ATRNL1: variants seen among roughly 807,000 people sequenced by gnomAD.
ATRNL1 encodes attractin like 1, also known as attractin-like protein 1.
A neutral mutation model predicts 182.7 loss-of-function variants in ATRNL1; 95 were observed. That is an observed-to-expected ratio of 0.52 (90% CI 0.44 to 0.62). The LOEUF (loss-of-function observed/expected upper bound fraction) is 0.62, where lower values mean the gene tolerates loss of function less well. Among genes scored for constraint, ATRNL1 ranks in the 20% least tolerant of loss-of-function variants. The pLI, the probability that ATRNL1 is intolerant of heterozygous loss-of-function variation, is 0.00. For missense variants in ATRNL1, 1,471 were observed against 1,679.5 expected, an observed-to-expected ratio of 0.88 and a Z score of 2.17; for synonymous variants, 576 against 568.3, an observed-to-expected ratio of 1.01 and a Z score of -0.19.
At chr10:115,793,375 G>A (rs1384019066) in intron 27 of ATRNL1, among the ~76,000 whole-genome samples, 1 of 152,024 alleles carries the variant, frequency 6.6e-6, no homozygotes, top group South Asian at 2.1e-4. Flanking sequence ...ATCTGGCAAA[G>A]GTTGTAAGTT....
intron 26 of ATRNL1, among the ~76,000 whole-genome samples, chr10:115,691,511 C>T (rs1565290230): frequency 6.6e-6 from 1 of 152,152 alleles, no homozygotes; most frequent in Non-Finnish European, 1.5e-5. Flanking sequence ...CACCTGAGTT[C>T]AGGAATTGGA....
chr10:115,682,572 A>G (rs1946082566), intron 26 of ATRNL1, among the ~76,000 whole-genome samples: 1 of 152,040 alleles, frequency 6.6e-6, no homozygotes, highest in Non-Finnish European at 1.5e-5. Flanking sequence ...AAAAAGGAAT[A>G]TGTACTTGAT....
At chr10:115,104,567 T>C (rs907527196) in intron 1 of ATRNL1, among the ~76,000 whole-genome samples, 1 of 152,172 alleles carries the variant, frequency 6.6e-6, no homozygotes, top group African/African-American at 2.4e-5. Flanking sequence ...CATTTATCCA[T>C]TTTTGCTTTG....
chr10:115,515,836 C>T (rs1051436933), intron 24 of ATRNL1, among the ~76,000 whole-genome samples: 14 of 151,992 alleles, frequency 9.2e-5, no homozygotes, highest in African/African-American at 3.1e-4. Context: ...TTTTCATCCT[C>T]GTCTTAACCA....
chr10:115,266,341 T>G, intron 11 of ATRNL1, among the ~76,000 whole-genome samples: 1 of 151,782 alleles, frequency 6.6e-6, no homozygotes, highest in Middle Eastern at 3.2e-3. Flanking sequence ...CAAAATTCTG[T>G]GTCTATATTG....
chr10:115,471,946 G>C (rs531323007), intron 24 of ATRNL1, among the ~76,000 whole-genome samples: 1 of 150,658 alleles, frequency 6.6e-6, no homozygotes, highest in African/African-American at 2.4e-5. Flanking sequence ...AAGGAGCTTA[G>C]TCCCTTTATT....
chr10:115,093,800 C>G lies in ATRNL1; in HGVS notation c.50C>G (p.Pro17Arg), dbSNP rs1554862281. Residue 17 changes from proline (P) to arginine (R), a missense_variant, in exon 1 of 29, where the codon CCG becomes CGG. This residue lies in a region of ATRNL1 where 1,031 missense variants were observed against 1,156.0 expected (regional missense o/e 0.89). Coordinates refer to ENST00000355044, the MANE Select transcript of ATRNL1 (RefSeq NM_207303.4). This position sits in a 1 kb window ranked among gnomAD's most constrained non-coding sequence, Gnocchi z 6.1. ...ARTGTPQPAA[P>R]GVWRARPAGG... The stretch of plus-strand genomic sequence containing the variant: ...ACTGGTACCCCGCAGCCAGCGGCCC[C>G]GGGGGTGTGGAGGGCTCGGCCGGCG... 6 of 1,468,884 alleles carry G rather than the reference C, an allele frequency of 4.1e-6. No individual in the cohort carries two copies. In the South Asian group the frequency reaches 8.2e-5, roughly 20 times the overall value. The allele number at this position is 1,468,884 out of a possible 1,614,324, so 91.0% of individuals were successfully genotyped here. A position where few individuals can be genotyped will look rare whatever the true frequency, so the allele number is the denominator to read the frequency against.
At chr10:115,139,218 T>C (rs781951593) in intron 5 of ATRNL1, among the ~76,000 whole-genome samples, 68 of 152,218 alleles carry the variant, frequency 4.5e-4, no homozygotes, top group Non-Finnish European at 7.6e-4. Flanking sequence ...TCCCACATTT[T>C]TCTATCTTCT....
chr10:115,171,736 G>A (rs1317294592), intron 8 of ATRNL1, among the ~76,000 whole-genome samples: 1 of 151,920 alleles, frequency 6.6e-6, no homozygotes, highest in African/African-American at 2.4e-5. Context: ...AGCTTCTCAA[G>A]GATAGTCTGC....
chr10:115,597,614 C>T (rs1555014459), intron 26 of ATRNL1: 1 of 413,118 alleles, frequency 2.4e-6, no homozygotes, highest in Non-Finnish European at 4.7e-6. Flanking sequence ...CTCTTGTCAC[C>T]CAGGCTGGCG....
chr10:115,726,021 A>G (rs1555059971), intron 26 of ATRNL1, among the ~76,000 whole-genome samples: 3 of 152,132 alleles, frequency 2.0e-5, no homozygotes, highest in African/African-American at 7.2e-5. Context: ...TTTCTATCCC[A>G]TATTGTCATG....
chr10:115,154,474 A>T (rs1255165725), intron 5 of ATRNL1, among the ~76,000 whole-genome samples: 1 of 151,766 alleles, frequency 6.6e-6, no homozygotes, highest in Non-Finnish European at 1.5e-5. Flanking sequence ...ATGGTAAAGG[A>T]TACCATTCTT....
intron 21 of ATRNL1, among the ~76,000 whole-genome samples, chr10:115,431,701 G>T (rs186596099): frequency 4.6e-4 from 70 of 151,920 alleles, no homozygotes; most frequent in African/African-American, 1.6e-3. Context: ...GTTTTAATCC[G>T]TGTGCAATTA....
chr10:115,334,915 T>A (rs1855410844), intron 19 of ATRNL1, among the ~76,000 whole-genome samples: 1 of 152,160 alleles, frequency 6.6e-6, no homozygotes, highest in African/African-American at 2.4e-5. Flanking sequence ...ATGTATGACC[T>A]TGGTTCATTA....
At chr10:115,682,171 A>T (rs1394795902) in intron 26 of ATRNL1, among the ~76,000 whole-genome samples, 5 of 152,116 alleles carry the variant, frequency 3.3e-5, no homozygotes, top group Non-Finnish European at 5.9e-5. Flanking sequence ...CCCTAGCTCC[A>T]CAACTTACTG....
intron 26 of ATRNL1, among the ~76,000 whole-genome samples, chr10:115,633,512 T>C (rs1428100125): frequency 1.3e-5 from 2 of 152,238 alleles, no homozygotes; most frequent in Non-Finnish European, 2.9e-5. Context: ...TGAAATGTTT[T>C]GATAGAAGAC....
At chr10:115,472,730 A>G (rs192430189) in intron 24 of ATRNL1, among the ~76,000 whole-genome samples, 32 of 151,092 alleles carry the variant, frequency 2.1e-4, no homozygotes, top group Admixed American at 1.5e-3. Flanking sequence ...TATTCTTTTT[A>G]ACAGTTTATT....
At chr10:115,198,004 A>C (rs898931070) in intron 8 of ATRNL1, among the ~76,000 whole-genome samples, 1 of 152,146 alleles carries the variant, frequency 6.6e-6, no homozygotes, top group Non-Finnish European at 1.5e-5. Flanking sequence ...TCTTTTTGAC[A>C]TGCTGATTTC....
chr10:115,155,243 T>C (rs1363550956), intron 5 of ATRNL1, among the ~76,000 whole-genome samples: 1 of 152,010 alleles, frequency 6.6e-6, no homozygotes, highest in Non-Finnish European at 1.5e-5. Context: ...TTTTTTTCTT[T>C]TTAAAAAATC....
Sources: gnomAD v4.1 joint callset for allele counts (sites outside exome capture counted in the v4.1 genomes callset) on GRCh38, gnomAD v4.1.1 for gene constraint, gnomAD v4.1.1 regional missense constraint, Gnocchi (gnomAD v3.1) non-coding constraint, MANE v1.5 for transcripts, NCBI Gene and HGNC (gene_info 2026-07-23, HGNC 2026-07-21) for gene names.